HOXB2: variants seen among roughly 807,000 people sequenced by gnomAD.
HOXB2 encodes homeobox protein Hox-B2.
HOXB2 carries 14 observed loss-of-function variants against 13.1 expected under a neutral mutation model. The ratio of observed to expected loss-of-function variants is 1.07; its 90% CI spans 0.71 to 1.67. The LOEUF (loss-of-function observed/expected upper bound fraction) is 1.67. HOXB2 is among the 40% of genes most tolerant of loss of function. The pLI is 0.00. For synonymous variants in HOXB2, 261 were observed against 233.1 expected, an observed-to-expected ratio of 1.12 and a Z score of -1.09; for missense variants, 582 against 488.3, an observed-to-expected ratio of 1.19 and a Z score of -1.81.
chr17:48,544,045 G>T, intron 1 of HOXB2: 1 of 1,248,514 alleles, frequency 8.0e-7, no homozygotes, highest in East Asian at 3.4e-5. Flanking sequence ...CCCTCCCAGT[G>T]GACCCCTCAA....
chr17:48,543,208 C>G lies in HOXB2; in HGVS notation c.931G>C (p.Ala311Pro), dbSNP rs1031798286. The G allele has an allele frequency of 2.5e-6, 4 of 1,613,590 alleles. No homozygotes were observed. The African/African-American group carries it at 4.0e-5, about 16-fold the overall frequency. The change falls in exon 2 of 2, where the codon GCG becomes CCG. Residue 311 changes from alanine (A) to proline (P), a missense_variant. Ala to Pro is a conservative substitution (Grantham distance 27). Transcript: ENST00000330070. The stretch of plus-strand genomic sequence containing the variant: ...GATAGCTGGAGACAGGAGTCGGCCG[C>G]GAAGAAGTTGAGGTCGGGAAGGAAA... ...SPFLPDLNFFAADSCLQLSGG... is the reference protein window; with the variant it reads ...SPFLPDLNFFPADSCLQLSGG...
Position 48,544,818 on chromosome 17 carries a change from A to G in HOXB2, c.94T>C (p.Phe32Leu). ...LTSFPAVLET[F>L]QTSSIKESTL... ...GACTCCTTGATTGATGAAGTTTGAA[A>G]TGTCTCCAAGACAGCGGGGAAGGAA... The change falls in exon 1 of 2, where the codon TTT (phenylalanine) becomes CTT (leucine). Residue 32 changes from phenylalanine (F) to leucine (L), a missense_variant. Phe to Leu is a conservative substitution (Grantham distance 22, BLOSUM62 0). Transcript: ENST00000330070. 2 of 1,613,560 alleles carry G rather than the reference A, an allele frequency of 1.2e-6. No homozygotes were observed. Among genetic ancestry groups the G allele is most frequent in the Non-Finnish European group, 1.7e-6 (2 of 1,179,912 alleles).
chr17:48,543,079 G>A lies in HOXB2; in HGVS notation c.1060C>T (p.Gln354Ter). ...GAGGAGGAAACAGGTTAGGGAAACT[G>A]CAGGTCGATGGCACAGAGCGTACTG... ...FTSTLCAIDLQFP is the reference protein window; with the variant it reads ...FTSTLCAIDL Residue 354 changes from glutamine (Q) to a stop codon, truncating the protein, a stop_gained, in exon 2 of 2, where the codon CAG becomes TAG. Transcript: ENST00000330070. LOFTEE classifies it high-confidence loss of function. The A allele has an allele frequency of 6.2e-7, 1 of 1,600,484 alleles. No individual in the cohort carries two copies. The highest frequency in any genetic ancestry group is 8.5e-7 in the Non-Finnish European group (1 of 1,173,974).
chr17:48,543,806 C>G, intron 1 of HOXB2, 59 bp from the exon 2 acceptor site: 3 of 1,511,356 alleles, frequency 2.0e-6, no homozygotes, highest in Non-Finnish European at 2.6e-6. Flanking sequence ...AACCTCAGTT[C>G]GGACTACCCC....
Position 48,543,466 on chromosome 17 carries a change from C to A in HOXB2, c.673G>T (p.Ala225Ser). Residue 225 changes from alanine to serine, a missense_variant, in exon 2 of 2, where the codon GCC becomes TCC. By Grantham distance (99) the Ala-to-Ser change is moderately conservative. Coordinates refer to ENST00000330070, the MANE Select transcript of HOXB2 (RefSeq NM_002145.4). ...CCCGGGCTGGCCGCGGGTTCCTCGG[C>A]AGGGTCGCAGATGTCCTCCAGGGCT... ...PGALEDICDP[A>S]EEPAASPGGP... 2 of 1,609,468 alleles carry A rather than the reference C, an allele frequency of 1.2e-6. No homozygotes were observed. The highest frequency in any genetic ancestry group is 2.2e-5 in the South Asian group (2 of 90,942).
chr17:48,544,030 C>T (rs929658363), intron 1 of HOXB2: 5 of 1,266,408 alleles, frequency 3.9e-6, no homozygotes, highest in Non-Finnish European at 5.0e-6. Flanking sequence ...GATCCCCCTC[C>T]CAAGCCCTCC....
At position 48,543,356 on chromosome 17, in the gene HOXB2, C is replaced by T; in HGVS notation, c.783G>A (p.Arg261=). The T allele has an allele frequency of 6.3e-7, 1 of 1,594,296 alleles. No individual in the cohort carries two copies. Among genetic ancestry groups the T allele is most frequent in the Non-Finnish European group, 8.5e-7 (1 of 1,174,378 alleles). The part of the protein sequence containing the change: ...VVPGALSADP[R]PLAVRLEGAG... ...CGCCCTCTAAGCGAACGGCTAAAGG[C>T]CGGGGGTCCGCGCTTAAGGCCCCCG... Residue 261 remains arginine, a synonymous_variant, in exon 2 of 2, where the codon CGG becomes CGA. Coordinates refer to ENST00000330070, the MANE Select transcript of HOXB2 (RefSeq NM_002145.4).
At chr17:48,544,369 AC>A (rs1333801002) in intron 1 of HOXB2, 151 bp downstream of exon 1, 1 of 1,426,876 alleles carries the variant, frequency 7.0e-7, no homozygotes, top group Non-Finnish European at 9.1e-7. Flanking sequence ...CCAGGCCTGA[AC>A]CCCAGTGGGA....
rs2068513273 is a variant in HOXB2, at chr17:48,542,921, A to T, written c.*147T>A. The T allele has an allele frequency of 3.9e-6, 2 of 506,452 alleles. No individual in the cohort carries two copies. Among genetic ancestry groups the T allele is most frequent in the Admixed American group, 7.8e-5 (2 of 25,608 alleles). The allele number at this position is 506,452 out of a possible 1,614,324, so 31.4% of individuals were successfully genotyped here. A position where few individuals can be genotyped will look rare whatever the true frequency, so the allele number is the denominator to read the frequency against. ...GTGCCCAATATTTTAGAAGAAGAAG[A>T]AAGGGAGTGGATTAAACGCTAATTC... On this transcript the variant is annotated 3_prime_UTR_variant, in exon 2 of 2. Coordinates refer to ENST00000330070, the MANE Select transcript of HOXB2 (RefSeq NM_002145.4).
At position 48,542,933 on chromosome 17, in the gene HOXB2, T is replaced by G; in HGVS notation, c.*135A>C. 1.8e-6 allele frequency: 1 copy of G among 564,778 alleles called. No individual in the cohort carries two copies. Among genetic ancestry groups the G allele is most frequent in the Non-Finnish European group, 3.0e-6 (1 of 335,762 alleles). The allele number at this position is 564,778 out of a possible 1,614,324, so 35.0% of individuals were successfully genotyped here. On this transcript the variant is annotated 3_prime_UTR_variant, in exon 2 of 2. Coordinates refer to ENST00000330070, the MANE Select transcript of HOXB2 (RefSeq NM_002145.4). ...TTAGAAGAAGAAGAAAGGGAGTGGATTAAACGCTAATTCAGTAATACCTGA... is the reference window on the plus strand; with the variant it reads ...TTAGAAGAAGAAGAAAGGGAGTGGAGTAAACGCTAATTCAGTAATACCTGA...
chr17:48,543,852 GC>G, intron 1 of HOXB2, 105 bp from the exon 2 acceptor site: 3 of 1,314,126 alleles, frequency 2.3e-6, no homozygotes, highest in Non-Finnish European at 3.0e-6. Context: ...CCCCTTCCTC[GC>G]CACCCCACCC....
Position 48,543,749 on chromosome 17 carries a change from T to G in HOXB2, c.392-2A>C, listed in dbSNP as rs1290661939. 2 of 1,592,246 alleles carry G rather than the reference T, an allele frequency of 1.3e-6. No homozygotes were observed. The highest frequency in any genetic ancestry group is 1.7e-6 in the Non-Finnish European group (2 of 1,169,574). ...CAGCCTCCGGCAGTCCCAGGCCATC[T>G]GCAGGGAAAACAGGCTCGGCGTCAT... On this transcript the variant is annotated splice_acceptor_variant, in intron 1 of 1. Coordinates refer to ENST00000330070, the MANE Select transcript of HOXB2 (RefSeq NM_002145.4). LOFTEE classifies it high-confidence loss of function.
At position 48,543,291 on chromosome 17, in the gene HOXB2, C is replaced by G. The variant is rs1435712699; in HGVS notation, c.848G>C (p.Gly283Ala). The G allele has an allele frequency of 6.2e-7, 1 of 1,604,132 alleles. No individual in the cohort carries two copies. ...TGGCAATGGCCCGGGCTCCAGCCCG[C>G]CGGCCCCGCGCAGCGCGCAGCCGGG... ...SSPGCALRGA[G>A]GLEPGPLPED... is the part of the protein sequence containing the mutation. Residue 283 changes from glycine to alanine, a missense_variant, in exon 2 of 2, where the codon GGC becomes GCC. Physicochemically the swap from Gly to Ala is moderately conservative, Grantham distance 60. Coordinates refer to ENST00000330070, the MANE Select transcript of HOXB2 (RefSeq NM_002145.4).
At chr17:48,543,833 A>T in intron 1 of HOXB2, 86 bp from the exon 2 acceptor site, 1 of 1,079,950 alleles carries the variant, frequency 9.3e-7, no homozygotes, top group Non-Finnish European at 1.3e-6. Flanking sequence ...CAAAACCAGT[A>T]TCACCTCTCC....
chr17:48,544,148 G>C, intron 1 of HOXB2: 3 of 985,314 alleles, frequency 3.0e-6, no homozygotes, highest in Non-Finnish European at 3.6e-6. Flanking sequence ...TCTTCTCCTA[G>C]AGTTGGGGCA....
At position 48,544,736 on chromosome 17, in the gene HOXB2, C is replaced by T; in HGVS notation, c.176G>A (p.Gly59Asp). ...CCTGGGTCTCTGAAGGGTGGAGGCGCCGGGCTGGAGGCTGGGGAAGGTTTG... is the reference window on the plus strand; with the variant it reads ...CCTGGGTCTCTGAAGGGTGGAGGCGTCGGGCTGGAGGCTGGGGAAGGTTTG... ...FEQTFPSLQP[G>D]ASTLQRPRSQ... Residue 59 changes from glycine (G) to aspartate (D), a missense_variant, in exon 1 of 2, where the codon GGC becomes GAC. Coordinates refer to ENST00000330070, the MANE Select transcript of HOXB2 (RefSeq NM_002145.4). 1 of 1,613,924 alleles carries T rather than the reference C, an allele frequency of 6.2e-7. No individual in the cohort carries two copies. The highest frequency in any genetic ancestry group is 8.5e-7 in the Non-Finnish European group (1 of 1,179,984).
rs375027312 is a variant in HOXB2 at position 48,544,581 on chromosome 17, C to A, written c.331G>T (p.Ala111Ser). The stretch of plus-strand genomic sequence containing the variant: ...GAGGCGGCCGGAGAAGGAGACGTGG[C>A]GGATTGGCTGGGTTTCTTGGCGGAT... The part of the protein sequence containing the change: ...KKSAKKPSQS[A>S]TSPSPAASAV... Residue 111 changes from alanine (A) to serine (S), a missense_variant, in exon 1 of 2, where the codon GCC (alanine) becomes TCC (serine). By Grantham distance (99) the Ala-to-Ser change is moderately conservative. Coordinates refer to ENST00000330070, the MANE Select transcript of HOXB2 (RefSeq NM_002145.4). 6.8e-6 allele frequency: 11 copies of A among 1,608,328 alleles called. No homozygotes were observed. The highest frequency in any genetic ancestry group is 9.3e-6 in the Non-Finnish European group (11 of 1,179,944).
chr17:48,544,053 C>T, intron 1 of HOXB2: 1 of 1,244,958 alleles, frequency 8.0e-7, no homozygotes, highest in South Asian at 3.1e-5. Flanking sequence ...GTGGACCCCT[C>T]AATTCGGAAC....
chr17:48,543,460 C>G lies in HOXB2; in HGVS notation c.679G>C (p.Glu227Gln). ...GGGCCGCCCGGGCTGGCCGCGGGTT[C>G]CTCGGCAGGGTCGCAGATGTCCTCC... ...ALEDICDPAE[E>Q]PAASPGGPSA... Residue 227 changes from glutamate to glutamine, a missense_variant, in exon 2 of 2, where the codon GAA becomes CAA. By Grantham distance (29) the Glu-to-Gln change is conservative (BLOSUM62 2). Coordinates refer to ENST00000330070, the MANE Select transcript of HOXB2 (RefSeq NM_002145.4). 1 of 1,608,064 alleles carries G rather than the reference C, an allele frequency of 6.2e-7. No individual in the cohort carries two copies. The highest frequency in any genetic ancestry group is 8.5e-7 in the Non-Finnish European group (1 of 1,178,288).
Sources: gnomAD v4.1 joint callset for allele counts on GRCh38, gnomAD v4.1.1 for gene constraint, MANE v1.5 for transcripts, NCBI Gene and HGNC (gene_info 2026-07-23, HGNC 2026-07-21) for gene names.